Variants in FAM135B observed in about 807,000 individuals in gnomAD.
The protein encoded by FAM135B is protein FAM135B.
A neutral mutation model predicts 127.7 loss-of-function variants in FAM135B; 43 were observed. That is an observed-to-expected ratio of 0.34 (90% CI 0.26 to 0.43). The LOEUF (loss-of-function observed/expected upper bound fraction) is 0.43, where lower values mean the gene tolerates loss of function less well. Among genes scored for constraint, FAM135B ranks in the 20% least tolerant of loss-of-function variants. The pLI is 1.00. For synonymous variants in FAM135B, 670 were observed against 665.1 expected, an observed-to-expected ratio of 1.01 and a Z score of -0.11; for missense variants, 1,558 against 1,725.6, an observed-to-expected ratio of 0.90 and a Z score of 1.72.
intron 3 of FAM135B, among the ~76,000 whole-genome samples, chr8:138,280,660 T>C (rs539970182): frequency 6.6e-6 from 1 of 152,184 alleles, no homozygotes; most frequent in African/African-American, 2.4e-5. Context: ...AAAGCAAACT[T>C]TTTAATGACT....
chr8:138,260,903 G>C (rs1449611458), intron 4 of FAM135B, among the ~76,000 whole-genome samples: 3 of 152,118 alleles, frequency 2.0e-5, no homozygotes, highest in East Asian at 1.9e-4. Flanking sequence ...CTTTGGCGGA[G>C]TCTCTGTGGC....
chr8:138,224,175 TAAAGTA>T (rs1454324543), intron 7 of FAM135B, among the ~76,000 whole-genome samples: 2 of 152,000 alleles, frequency 1.3e-5, no homozygotes, highest in African/African-American at 2.4e-5. Flanking sequence ...CCCCTGAACC[TAAAGTA>T]AAAGTTGAAA....
intron 10 of FAM135B, among the ~76,000 whole-genome samples, chr8:138,177,691 T>G (rs1405253199): frequency 6.6e-6 from 1 of 152,208 alleles, no homozygotes; most frequent in Non-Finnish European, 1.5e-5. Flanking sequence ...TGTGTTTAAC[T>G]TGAGGTCTTA....
At chr8:138,486,938 T>C (rs758913096) in intron 1 of FAM135B, among the ~76,000 whole-genome samples, 1 of 152,006 alleles carries the variant, frequency 6.6e-6, no homozygotes, top group Non-Finnish European at 1.5e-5. Context: ...AGAAGGTTCC[T>C]GGGATGAAGG....
chr8:138,497,286 C>T, upstream of FAM135B, among the ~76,000 whole-genome samples: 1 of 150,398 alleles, frequency 6.6e-6, no homozygotes, highest in South Asian at 2.1e-4. Context: ...CTCACGCGCT[C>T]CCACCTCGGT....
chr8:138,427,448 T>C (rs932431027), intron 1 of FAM135B, among the ~76,000 whole-genome samples: 2 of 152,012 alleles, frequency 1.3e-5, no homozygotes, highest in South Asian at 4.2e-4. Context: ...ACAAAAACTA[T>C]CATTCAAAAA....
chr8:138,198,898 A>G, intron 7 of FAM135B, among the ~76,000 whole-genome samples: 1 of 152,204 alleles, frequency 6.6e-6, no homozygotes, highest in Non-Finnish European at 1.5e-5. Context: ...GTCCTTGAGT[A>G]GTATGCTCGT....
chr8:138,259,948 G>T (rs1277400720), intron 4 of FAM135B, among the ~76,000 whole-genome samples: 1 of 152,190 alleles, frequency 6.6e-6, no homozygotes. Flanking sequence ...AGGCCTGAGA[G>T]TTTGCGTAGC....
intron 4 of FAM135B, among the ~76,000 whole-genome samples, chr8:138,257,376 T>C (rs1383031191): frequency 2.0e-5 from 3 of 152,086 alleles, no homozygotes; most frequent in African/African-American, 7.3e-5. Flanking sequence ...TTTTATGTCC[T>C]ACTCATGGCT....
chr8:138,369,067 G>T (rs574190499), intron 1 of FAM135B, among the ~76,000 whole-genome samples: 25 of 152,276 alleles, frequency 1.6e-4, no homozygotes, highest in African/African-American at 6.0e-4. Context: ...GTGGCCTTTG[G>T]TAAGATCCTC....
chr8:138,448,016 G>T (rs535320943), intron 1 of FAM135B, among the ~76,000 whole-genome samples: 3 of 151,372 alleles, frequency 2.0e-5, no homozygotes, highest in African/African-American at 7.3e-5. Context: ...ATCTAATTTG[G>T]CAAGCTGAAT....
chr8:138,180,863 C>T (rs1230536110), intron 9 of FAM135B, among the ~76,000 whole-genome samples: 1 of 152,136 alleles, frequency 6.6e-6, no homozygotes, highest in African/African-American at 2.4e-5. Flanking sequence ...GCTTTACTTC[C>T]AGCACTGGCT....
intron 3 of FAM135B, among the ~76,000 whole-genome samples, chr8:138,301,562 T>C (rs1825889818): frequency 6.6e-6 from 1 of 152,188 alleles, no homozygotes; most frequent in South Asian, 2.1e-4. Flanking sequence ...TGTCTTCAGA[T>C]GTGGCTTTTC....
intron 1 of FAM135B, among the ~76,000 whole-genome samples, chr8:138,455,645 A>G (rs2131599476): frequency 6.6e-6 from 1 of 152,252 alleles, no homozygotes; most frequent in East Asian, 1.9e-4. Context: ...AACTGCTTCT[A>G]CATTCTGGCT....
At chr8:138,288,417 C>T (rs920114147) in intron 3 of FAM135B, among the ~76,000 whole-genome samples, 1 of 152,012 alleles carries the variant, frequency 6.6e-6, no homozygotes, top group Admixed American at 6.6e-5. Context: ...GGGAAGTGTG[C>T]AGGGCAAGGT....
chr8:138,283,421 TAA>T (rs35095288), intron 3 of FAM135B, among the ~76,000 whole-genome samples: 4 of 148,588 alleles, frequency 2.7e-5, no homozygotes, highest in African/African-American at 9.9e-5. Flanking sequence ...ATGGATACAG[TAA>T]AAAAAAAAAA....
intron 7 of FAM135B, among the ~76,000 whole-genome samples, chr8:138,218,865 G>T (rs188754825): frequency 2.6e-5 from 4 of 151,630 alleles, no homozygotes; most frequent in Non-Finnish European, 5.9e-5. Flanking sequence ...ACAAGGCAAC[G>T]CAGCCAGGAA....
intron 7 of FAM135B, among the ~76,000 whole-genome samples, chr8:138,206,448 T>G (rs62530920): frequency 1.7e-5 from 1 of 59,688 alleles, no homozygotes; most frequent in African/African-American, 6.7e-5. Context: ...ATCCCCTCCA[T>G]CTACACACAA....
chr8:138,274,360 A>C (rs565911702), intron 3 of FAM135B, among the ~76,000 whole-genome samples: 1 of 152,284 alleles, frequency 6.6e-6, no homozygotes, highest in South Asian at 2.1e-4. Flanking sequence ...TTTATTAGGG[A>C]GTTTCAAAAG....
Sources: allele counts gnomAD v4.1 joint callset (sites outside exome capture counted in the v4.1 genomes callset), GRCh38; gene constraint gnomAD v4.1.1; transcripts MANE v1.5; gene names NCBI Gene and HGNC (gene_info 2026-07-23, HGNC 2026-07-21).